The following GRAMD1C variants were observed in gnomAD, a reference collection of about 807,000 sequenced individuals.
GRAMD1C encodes protein Aster-C.
A neutral mutation model predicts 97.8 loss-of-function variants in GRAMD1C; 89 were observed. The observed-to-expected ratio is 0.91, with a 90% confidence interval of 0.77 to 1.09. The LOEUF is 1.09. Ranked by LOEUF, GRAMD1C falls within the 50% of genes least tolerant of loss-of-function variation. The pLI, the probability that GRAMD1C is intolerant of heterozygous loss-of-function variation, is 0.00. For missense variants in GRAMD1C, 740 were observed against 766.4 expected (o/e 0.97, Z 0.41); for synonymous variants, 256 against 267.0 (o/e 0.96, Z 0.40).
intron 1 of GRAMD1C, among the ~76,000 whole-genome samples, chr3:113,833,654 A>G (rs1415845763): frequency 2.6e-5 from 4 of 152,190 alleles, no homozygotes; most frequent in African/African-American, 9.7e-5. Flanking sequence ...ACGAATCAGT[A>G]CCAGGAATGT....
chr3:113,895,879 C>G (rs1935921229), intron 6 of GRAMD1C, among the ~76,000 whole-genome samples: 1 of 152,138 alleles, frequency 6.6e-6, no homozygotes, highest in African/African-American at 2.4e-5. Flanking sequence ...TGAACCATTA[C>G]CAATGTCTTC....
intron 2 of GRAMD1C, among the ~76,000 whole-genome samples, chr3:113,858,810 C>T (rs1311110752): frequency 1.3e-5 from 2 of 152,024 alleles, no homozygotes; most frequent in Non-Finnish European, 2.9e-5. Flanking sequence ...CCGCCCTCCT[C>T]GGCTTCCCAA....
At chr3:113,839,994 C>CCA (rs1254585170) in intron 1 of GRAMD1C, among the ~76,000 whole-genome samples, 3 of 151,906 alleles carry the variant, frequency 2.0e-5, no homozygotes, top group Non-Finnish European at 2.9e-5. Flanking sequence ...ACTGATGATG[C>CCA]CACACACACA....
intron 17 of GRAMD1C, among the ~76,000 whole-genome samples, chr3:113,942,304 A>G (rs535307932): frequency 7.9e-5 from 12 of 151,632 alleles, no homozygotes; most frequent in African/African-American, 2.9e-4. Context: ...TTCTTCTGGC[A>G]TACTCATTTT....
intron 5 of GRAMD1C, among the ~76,000 whole-genome samples, chr3:113,879,973 C>T (rs113891988): frequency 5.3e-5 from 8 of 152,092 alleles, no homozygotes; most frequent in South Asian, 4.2e-4. Flanking sequence ...GGATTACCAG[C>T]GTGAGCCACC....
At chr3:113,944,229 GAAGGACAAAA>G (rs1937954461) in intron 17 of GRAMD1C, among the ~76,000 whole-genome samples, 1 of 151,992 alleles carries the variant, frequency 6.6e-6, no homozygotes, top group Non-Finnish European at 1.5e-5. Flanking sequence ...AGAAGGGACT[GAAGGACAAAA>G]AAGGGGACTA....
intron 2 of GRAMD1C, among the ~76,000 whole-genome samples, chr3:113,867,964 A>T (rs1934649162): frequency 6.6e-6 from 1 of 151,938 alleles, no homozygotes; most frequent in African/African-American, 2.4e-5. Flanking sequence ...GAGTCTGTTC[A>T]TTTTCTTAAG....
At chr3:113,937,538 A>G (rs1937600263) in intron 14 of GRAMD1C, among the ~76,000 whole-genome samples, 1 of 152,222 alleles carries the variant, frequency 6.6e-6, no homozygotes, top group African/African-American at 2.4e-5. Flanking sequence ...AATTTGCAAT[A>G]TAGGCCAAAT....
chr3:113,849,188 T>C (rs1034959391), intron 2 of GRAMD1C, among the ~76,000 whole-genome samples: 2 of 152,114 alleles, frequency 1.3e-5, no homozygotes, highest in African/African-American at 4.8e-5. Flanking sequence ...AGATTGTTCA[T>C]TGTGTGTGTT....
chr3:113,885,014 GCCCGA>G (rs925056223), intron 6 of GRAMD1C, among the ~76,000 whole-genome samples: 1 of 143,174 alleles, frequency 7.0e-6, no homozygotes, highest in African/African-American at 2.6e-5. Context: ...CCCCATCCTA[GCCCGA>G]CCTGTCTCGG....
intron 9 of GRAMD1C, among the ~76,000 whole-genome samples, chr3:113,911,732 T>TCCTTCCTTCCTTCCTTCCTTCCTTC (rs1237050519): frequency 9.4e-5 from 1 of 10,584 alleles, no homozygotes; most frequent in East Asian, 8.9e-3. Flanking sequence ...TCCTTCCTTT[T>TCCTTCCTTCCTTCCTTCCTTCCTTC]CTTTCTTTCT....
intron 2 of GRAMD1C, among the ~76,000 whole-genome samples, chr3:113,848,258 T>A (rs1933702919): frequency 6.6e-6 from 1 of 152,192 alleles, no homozygotes; most frequent in South Asian, 2.1e-4. Context: ...TCACCTCAGT[T>A]ACCTCACCTA....
At chr3:113,925,482 CAA>C (rs1577212411) in intron 10 of GRAMD1C, among the ~76,000 whole-genome samples, 1 of 151,636 alleles carries the variant, frequency 6.6e-6, no homozygotes, top group East Asian at 1.9e-4. Context: ...AAAAAACAAA[CAA>C]ACAAACAAAC....
intron 10 of GRAMD1C, among the ~76,000 whole-genome samples, chr3:113,926,298 T>C (rs539810858): frequency 6.6e-6 from 1 of 152,336 alleles, no homozygotes; most frequent in South Asian, 2.1e-4. Context: ...GAACCAGCCC[T>C]GTGAGATTCT....
At chr3:113,917,983 G>A (rs1345137714) in intron 10 of GRAMD1C, among the ~76,000 whole-genome samples, 6 of 151,248 alleles carry the variant, frequency 4.0e-5, no homozygotes, top group African/African-American at 7.3e-5. Context: ...GATTATAGGC[G>A]TGAGCCACTG....
intron 8 of GRAMD1C, among the ~76,000 whole-genome samples, chr3:113,905,208 C>G (rs1014274721): frequency 2.0e-5 from 3 of 152,182 alleles, no homozygotes; most frequent in Admixed American, 1.3e-4. Flanking sequence ...GCTCCCTCTG[C>G]CAATGGGAGC....
At chr3:113,835,518 A>G (rs1052761570), upstream of GRAMD1C, among the ~76,000 whole-genome samples, 2 of 152,182 alleles carry the variant, frequency 1.3e-5, no homozygotes, top group African/African-American at 4.8e-5. Context: ...TTACTACAGG[A>G]TTTGGGTTTG....
intron 6 of GRAMD1C, among the ~76,000 whole-genome samples, chr3:113,899,177 T>G (rs1936049431): frequency 6.6e-6 from 1 of 152,224 alleles, no homozygotes; most frequent in Non-Finnish European, 1.5e-5. Context: ...GCTGATAGAC[T>G]ACTGACTTCA....
chr3:113,904,058 GGAAA>G (rs1318024107), intron 7 of GRAMD1C, 78 bp from the exon 8 acceptor site: 7 of 977,010 alleles, frequency 7.2e-6, no homozygotes, highest in Non-Finnish European at 1.1e-5. Context: ...TTTTATCATA[GGAAA>G]TGACCTCAGT....
Sources: gnomAD v4.1 joint callset for allele counts (sites outside exome capture counted in the v4.1 genomes callset) on GRCh38, gnomAD v4.1.1 for gene constraint, MANE v1.5 for transcripts, NCBI Gene and HGNC (gene_info 2026-07-23, HGNC 2026-07-21) for gene names.